The following CASP5 variants were observed in gnomAD, a reference collection of about 807,000 sequenced individuals.
CASP5 encodes caspase-5.
In CASP5, 42 loss-of-function variants were observed where a neutral mutation model predicts 45.2. The observed-to-expected ratio is 0.93, with a 90% CI of 0.73 to 1.20. The LOEUF (loss-of-function observed/expected upper bound fraction) is 1.20. Among genes scored for constraint, CASP5 ranks in the 50% most tolerant of loss-of-function variants. CASP5 has a pLI of 0.00. For missense variants in CASP5, 512 were observed against 532.2 expected, an observed-to-expected ratio of 0.96 and a Z score of 0.37; for synonymous variants, 209 against 186.2, an observed-to-expected ratio of 1.12 and a Z score of -1.00.
intron 5 of CASP5, among the ~76,000 whole-genome samples, chr11:105,001,659 A>G (rs1363136867): frequency 2.0e-5 from 3 of 152,204 alleles, no homozygotes; most frequent in Admixed American, 2.0e-4. Context: ...TTGGTCTCAA[A>G]AAATAAATAA....
chr11:105,016,690 GT>G (rs1317128145), intron 1 of CASP5, among the ~76,000 whole-genome samples: 1 of 152,336 alleles, frequency 6.6e-6, no homozygotes, highest in East Asian at 1.9e-4. Context: ...TAGCACAGCA[GT>G]CTGAGATCAA....
At position 105,008,964 on chromosome 11, in the gene CASP5, T is replaced by C; in HGVS notation, c.24A>G (p.Lys8=). ...TAGCTTCAAAATTCTTACGCCTTTT[T>C]TTTTTGCCACTGTCTTCTATCAGAA... is the stretch of plus-strand genomic sequence containing the variant. The part of the protein sequence containing the change: MAEDSGK[K]KRRKNFEAMF... Residue 8 remains lysine, a synonymous_variant, in exon 2 of 10, where the codon AAA becomes AAG. Transcript: ENST00000260315. 2.5e-6 allele frequency: 4 copies of C among 1,612,714 alleles called. No homozygotes were observed. The highest frequency in any genetic ancestry group is 3.4e-6 in the Non-Finnish European group (4 of 1,179,308).
chr11:105,000,475 C>T lies in CASP5; in HGVS notation c.738G>A (p.Arg246=). 6.2e-7 allele frequency: 1 copy of T among 1,614,086 alleles called. No homozygotes were observed. The highest frequency in any genetic ancestry group is 8.5e-7 in the Non-Finnish European group (1 of 1,179,988). The change falls in exon 6 of 10, where the codon AGG becomes AGA. Residue 246 remains arginine (R), a synonymous_variant. Transcript: ENST00000260315. The part of the protein sequence containing the change: ...LTARDMESVL[R]AFAARPEHKS... ...TGTGCTCTGGTCTGGCAGCAAATGC[C>T]CTCAGCACTGACTCCATATCCTATA...
chr11:105,020,165 TAAG>T (rs1347885103), intron 1 of CASP5, among the ~76,000 whole-genome samples: 2 of 145,580 alleles, frequency 1.4e-5, no homozygotes, highest in African/African-American at 5.0e-5. Context: ...TTCAAAATAA[TAAG>T]AGCTATCTAT....
At position 105,023,148 on chromosome 11, in the gene CASP5, T is replaced by C. The variant is rs1212695064; in HGVS notation, c.-12A>G. 6 of 1,551,054 alleles carry C rather than the reference T, an allele frequency of 3.9e-6. No homozygotes were observed. Among genetic ancestry groups the C allele is most frequent in the Admixed American group, 2.0e-5 (1 of 50,980 alleles). ...GACTCACCAGCCATAGCTAACAGCC[T>C]CTGTCTCTTTGTACAGCACTGGAAA... On this transcript the variant is annotated 5_prime_UTR_variant, in exon 1 of 10. Coordinates refer to ENST00000260315, the MANE Select transcript of CASP5 (RefSeq NM_004347.5).
At chr11:105,003,576 A>G (rs1237111732) in intron 3 of CASP5, among the ~76,000 whole-genome samples, 193 bp from the exon 4 acceptor site, 1 of 151,992 alleles carries the variant, frequency 6.6e-6, no homozygotes, top group Non-Finnish European at 1.5e-5. Flanking sequence ...GCAGACTCCC[A>G]CAACCCCACC....
intron 5 of CASP5, 89 bp downstream of exon 5, chr11:105,001,939 A>C: frequency 7.4e-7 from 1 of 1,358,450 alleles, no homozygotes; most frequent in South Asian, 1.3e-5. Context: ...GAGGTTGTTA[A>C]ACCTTGTTGA....
Position 105,002,132 on chromosome 11 carries a change from G to T in CASP5, c.613C>A (p.His205Asn), listed in dbSNP as rs1369287636. 6 of 1,614,102 alleles carry T rather than the reference G, an allele frequency of 3.7e-6. No homozygotes were observed. The highest frequency in any genetic ancestry group is 5.1e-6 in the Non-Finnish European group (6 of 1,179,982). ...TGAGCCCCATTCCTTGCAGGCAGGT[G>T]ATCAAACTTTGTATTGCATATGATG... ...ALIICNTKFD[H>N]LPARNGAHYD... The change falls in exon 5 of 10, where the codon CAC becomes AAC. Residue 205 changes from histidine to asparagine, a missense_variant. By Grantham distance (68) the His-to-Asn change is moderately conservative (BLOSUM62 1). Coordinates refer to ENST00000260315, the MANE Select transcript of CASP5 (RefSeq NM_004347.5).
chr11:104,998,148 A>T (rs1326155708), intron 7 of CASP5, among the ~76,000 whole-genome samples: 1 of 152,174 alleles, frequency 6.6e-6, no homozygotes, highest in East Asian at 1.9e-4. Flanking sequence ...TGGAGGAGAG[A>T]TGTTTACAGC....
chr11:105,010,336 A>T (rs1029880661), intron 1 of CASP5, among the ~76,000 whole-genome samples: 1 of 121,432 alleles, frequency 8.2e-6, no homozygotes, highest in African/African-American at 3.9e-5. Flanking sequence ...TCATCATTAT[A>T]TCATGAGTAA....
intron 1 of CASP5, among the ~76,000 whole-genome samples, chr11:105,009,716 C>T (rs868508414): frequency 6.9e-4 from 33 of 48,060 alleles, no homozygotes; most frequent in African/African-American, 3.3e-3. Context: ...TATATATATA[C>T]ACACATATAT....
In CASP5 at chr11:104,994,315, T is replaced by G. The variant is rs781061149; in HGVS notation, c.*37A>C. The G allele has an allele frequency of 1.3e-5, 2 of 152,226 alleles. No homozygotes were observed. Among genetic ancestry groups the G allele is most frequent in the Admixed American group, 6.5e-5 (1 of 15,268 alleles). The allele number at this position is 152,226 out of a possible 1,614,324, so 9.4% of individuals were successfully genotyped here. On this transcript the variant is annotated 3_prime_UTR_variant, in exon 10 of 10. Coordinates refer to ENST00000260315, the MANE Select transcript of CASP5 (RefSeq NM_004347.5). ...ATACTGGTAAATGTGCTCTTTGATG[T>G]TGACAGAGGAGGGCTGGGCTGCCTG... is the stretch of plus-strand genomic sequence containing the variant.
At chr11:105,003,586 CAAG>C (rs2134708717) in intron 3 of CASP5, among the ~76,000 whole-genome samples, 1 of 151,758 alleles carries the variant, frequency 6.6e-6, no homozygotes, top group Non-Finnish European at 1.5e-5. Flanking sequence ...ACAACCCCAC[CAAG>C]AAGAAGATGC....
rs377320687 is a variant in CASP5, at chr11:105,023,012, G to C, written c.7+118C>G. The C allele has an allele frequency of 2.3e-3, 2,040 of 891,676 alleles. 50 individuals carry two copies. The South Asian group carries it at 0.026, about 12-fold the overall frequency. The allele number at this position is 891,676 out of a possible 1,614,324, so 55.2% of individuals were successfully genotyped here. On this transcript the variant is annotated intron_variant, in intron 1 of 9. Transcript: ENST00000260315. Reference sequence around the variant, plus strand: ...ATACCACCAATAAGAGAAAGATTCAGCATGCACACTATTGGTTGATTTCCC... The same window carrying C: ...ATACCACCAATAAGAGAAAGATTCACCATGCACACTATTGGTTGATTTCCC...
chr11:104,995,781 G>T lies in CASP5; in HGVS notation c.1268C>A (p.Thr423Asn). ...KAQMPTIERA[T>N]LTRDFYLFPG... Reference sequence around the variant, plus strand: ...AAAGAGGTAGAAATCTCTTGTCAAGGTTGCTCGTTCTATGGTGGGCATCTG... The same window carrying T: ...AAAGAGGTAGAAATCTCTTGTCAAGTTTGCTCGTTCTATGGTGGGCATCTG... The change falls in exon 9 of 10, where the codon ACC becomes AAC. Residue 423 changes from threonine (T) to asparagine (N), a missense_variant. Transcript: ENST00000260315. 6.2e-7 allele frequency: 1 copy of T among 1,612,238 alleles called. No individual in the cohort carries two copies. Among genetic ancestry groups the T allele is most frequent in the Non-Finnish European group, 8.5e-7 (1 of 1,178,698 alleles).
At chr11:105,002,443 C>T (rs1412152104) in intron 4 of CASP5, among the ~76,000 whole-genome samples, 3 of 152,128 alleles carry the variant, frequency 2.0e-5, no homozygotes, top group African/African-American at 4.8e-5. Context: ...CCTTTTTCTT[C>T]TCCACCTACT....
intron 1 of CASP5, among the ~76,000 whole-genome samples, chr11:105,020,663 C>A (rs1862902498): frequency 6.6e-6 from 1 of 151,678 alleles, no homozygotes; most frequent in South Asian, 2.1e-4. Context: ...AAAGAGGGTA[C>A]AAACAAATGG....
chr11:104,998,878 C>A lies in CASP5; in HGVS notation c.1096+7G>T. On this transcript the variant is annotated splice_region_variant and intron_variant, in intron 7 of 9. Transcript: ENST00000260315. ...CAAATTTTTGACTGTTACTAAAAGA[C>A]ACATACGTGGTGTTGAAGAACAGAA... 6.2e-7 allele frequency: 1 copy of A among 1,609,922 alleles called. No homozygotes were observed. Among genetic ancestry groups the A allele is most frequent in the South Asian group, 1.1e-5 (1 of 90,062 alleles).
intron 5 of CASP5, 121 bp from the exon 6 acceptor site, chr11:105,000,616 C>T (rs1861679602): frequency 1.3e-5 from 11 of 855,326 alleles, no homozygotes; most frequent in Admixed American, 8.0e-5. Context: ...CTTCACATAG[C>T]GCTTACTCAG....
Sources: gnomAD v4.1 joint callset for allele counts (sites outside exome capture counted in the v4.1 genomes callset) on GRCh38, gnomAD v4.1.1 for gene constraint, MANE v1.5 for transcripts, NCBI Gene and HGNC (gene_info 2026-07-23, HGNC 2026-07-21) for gene names.